FAM210A: variants seen among roughly 807,000 people sequenced by gnomAD.
FAM210A encodes family with sequence similarity 210 member A.
A neutral mutation model predicts 25.3 loss-of-function variants in FAM210A; 13 were observed. The observed-to-expected ratio is 0.51, with a 90% confidence interval of 0.33 to 0.82. The LOEUF (loss-of-function observed/expected upper bound fraction) is 0.82, where lower values mean the gene tolerates loss of function less well. FAM210A is among the 40% of genes least tolerant of loss of function. FAM210A has a pLI of 0.02. For synonymous variants in FAM210A, 125 were observed against 118.7 expected (o/e 1.05, Z -0.35); for missense variants, 319 against 323.2 (o/e 0.99, Z 0.10).
chr18:13,688,240 C>A (rs926398186), intron 1 of FAM210A, among the ~76,000 whole-genome samples: 2 of 152,168 alleles, frequency 1.3e-5, no homozygotes, highest in Admixed American at 1.3e-4. Context: ...AACTTCCAAA[C>A]GTGTGTGCCC....
At chr18:13,685,221 T>TA (rs1161036276) in intron 1 of FAM210A, among the ~76,000 whole-genome samples, 2 of 151,822 alleles carry the variant, frequency 1.3e-5, no homozygotes, top group African/African-American at 4.8e-5. Context: ...ACATGACAGA[T>TA]AGAGAAGGAA....
intron 1 of FAM210A, among the ~76,000 whole-genome samples, chr18:13,713,526 T>A (rs2043836974): frequency 6.6e-6 from 1 of 152,072 alleles, no homozygotes; most frequent in Non-Finnish European, 1.5e-5. Flanking sequence ...CATTTAAACA[T>A]GTGAATTAAC....
At chr18:13,692,771 C>A (rs1052802980) in intron 1 of FAM210A, among the ~76,000 whole-genome samples, 1 of 152,182 alleles carries the variant, frequency 6.6e-6, no homozygotes, top group Non-Finnish European at 1.5e-5. Flanking sequence ...AATTTATACA[C>A]TAAATGCCCA....
intron 1 of FAM210A, among the ~76,000 whole-genome samples, chr18:13,701,065 A>T (rs942648164): frequency 6.6e-5 from 10 of 152,178 alleles, no homozygotes; most frequent in African/African-American, 1.9e-4. Context: ...AACTCCTTTA[A>T]ATGTAATCCA....
chr18:13,685,826 CAG>C (rs1328527434), intron 1 of FAM210A, among the ~76,000 whole-genome samples: 3 of 152,152 alleles, frequency 2.0e-5, no homozygotes, highest in African/African-American at 7.2e-5. Flanking sequence ...AAACATTTCA[CAG>C]AGTTTGACTC....
chr18:13,713,093 T>C (rs901426914), intron 1 of FAM210A, among the ~76,000 whole-genome samples: 1 of 152,240 alleles, frequency 6.6e-6, no homozygotes, highest in African/African-American at 2.4e-5. Flanking sequence ...TATCTCTACT[T>C]ACAAGTTTGA....
intron 1 of FAM210A, 51 bp from the exon 2 acceptor site, chr18:13,682,156 TA>T (rs1269950336): frequency 8.4e-7 from 1 of 1,188,300 alleles, no homozygotes; most frequent in African/African-American, 1.5e-5. Context: ...GTTTCCATTT[TA>T]AATCAATTCA....
At chr18:13,696,287 A>C (rs2043692988) in intron 1 of FAM210A, among the ~76,000 whole-genome samples, 1 of 152,240 alleles carries the variant, frequency 6.6e-6, no homozygotes, top group Non-Finnish European at 1.5e-5. Flanking sequence ...ACTGGAGAAG[A>C]ACAAGGATTG....
chr18:13,695,322 T>C (rs1285624954), intron 1 of FAM210A, among the ~76,000 whole-genome samples: 1 of 152,236 alleles, frequency 6.6e-6, no homozygotes, highest in African/African-American at 2.4e-5. Context: ...CTCAAGGATC[T>C]AGGACTATAA....
intron 1 of FAM210A, among the ~76,000 whole-genome samples, chr18:13,689,522 A>G (rs2043624816): frequency 6.6e-6 from 1 of 152,224 alleles, no homozygotes; most frequent in African/African-American, 2.4e-5. Context: ...AACATGTACA[A>G]CAAACCTATT....
chr18:13,663,934 G>A lies in FAM210A; in HGVS notation c.*2546C>T, dbSNP rs2043379992. ...ATTAATCCCAAGTGTGAGGTGTACT[G>A]TAAATGAAATGAGGTCTATTATACA... is the stretch of plus-strand genomic sequence containing the variant. On this transcript the variant is annotated 3_prime_UTR_variant, in exon 4 of 4. Transcript: ENST00000651643. The A allele has an allele frequency of 6.6e-6, 1 of 152,186 alleles. No individual in the cohort carries two copies. Among genetic ancestry groups the A allele is most frequent in the Admixed American group, 6.5e-5 (1 of 15,280 alleles). 9.4% of individuals were successfully genotyped at this position (152,186 alleles called of 1,614,324 possible).
intron 2 of FAM210A, among the ~76,000 whole-genome samples, chr18:13,674,917 A>T (rs1219233871): frequency 1.4e-5 from 2 of 144,992 alleles, no homozygotes; most frequent in Non-Finnish European, 3.0e-5. Flanking sequence ...CAGTTTCCTG[A>T]TTATTAACAT....
intron 1 of FAM210A, among the ~76,000 whole-genome samples, chr18:13,685,023 T>A (rs1045592288): frequency 6.6e-6 from 1 of 152,156 alleles, no homozygotes; most frequent in Non-Finnish European, 1.5e-5. Context: ...AAAATACAAC[T>A]TAACAAAATC....
At chr18:13,680,855 G>A (rs1317431681) in intron 2 of FAM210A, among the ~76,000 whole-genome samples, 1 of 152,212 alleles carries the variant, frequency 6.6e-6, no homozygotes, top group Non-Finnish European at 1.5e-5. Flanking sequence ...GCAGTGTGAA[G>A]CAAATAACTT....
intron 1 of FAM210A, among the ~76,000 whole-genome samples, chr18:13,718,523 G>C (rs2043877373): frequency 6.6e-6 from 1 of 150,664 alleles, no homozygotes; most frequent in Non-Finnish European, 1.5e-5. Flanking sequence ...GCTGATTAAA[G>C]GCCAAAAAAA....
intron 2 of FAM210A, among the ~76,000 whole-genome samples, chr18:13,673,955 A>C (rs12607096): frequency 2.4e-4 from 1 of 4,148 alleles, no homozygotes; most frequent in Admixed American, 2.4e-3. Flanking sequence ...CTGAGCCCCG[A>C]CTTCTTTATT....
At chr18:13,720,918 A>C in intron 1 of FAM210A, among the ~76,000 whole-genome samples, 1 of 152,086 alleles carries the variant, frequency 6.6e-6, no homozygotes, top group Non-Finnish European at 1.5e-5. Context: ...CCTCTACTTC[A>C]GTTTCATATG....
chr18:13,679,641 G>A (rs1405749610), intron 2 of FAM210A, among the ~76,000 whole-genome samples: 1 of 152,206 alleles, frequency 6.6e-6, no homozygotes, highest in African/African-American at 2.4e-5. Context: ...TGGCGGGGCA[G>A]TAGTGGTGGT....
chr18:13,696,477 A>G (rs2043694807), intron 1 of FAM210A, among the ~76,000 whole-genome samples: 1 of 152,248 alleles, frequency 6.6e-6, no homozygotes, highest in South Asian at 2.1e-4. Flanking sequence ...ATGATAAAGG[A>G]CTTGTATCCA....
Sources: gnomAD v4.1 joint callset for allele counts (sites outside exome capture counted in the v4.1 genomes callset) on GRCh38, gnomAD v4.1.1 for gene constraint, MANE v1.5 for transcripts, NCBI Gene and HGNC (gene_info 2026-07-23, HGNC 2026-07-21) for gene names.